PYY: variants seen among roughly 807,000 people sequenced by gnomAD.
The protein encoded by PYY is peptide YY.
In PYY, 12 loss-of-function variants were observed where a neutral mutation model predicts 10.3. The ratio of observed to expected loss-of-function variants is 1.17; its 90% CI spans 0.75 to 1.89. The LOEUF is 1.89. Among genes scored for constraint, PYY ranks in the 40% most tolerant of loss-of-function variants. The pLI is 0.00. For synonymous variants in PYY, 66 were observed against 62.0 expected (o/e 1.06, Z -0.30); for missense variants, 141 against 134.0 (o/e 1.05, Z -0.26).
chr17:43,996,959 G>A (rs2048995976), intron 1 of PYY, among the ~76,000 whole-genome samples: 1 of 152,174 alleles, frequency 6.6e-6, no homozygotes, highest in South Asian at 2.1e-4. Context: ...AAAGTGCTGG[G>A]ATTACAGGTA....
At chr17:43,984,307 C>T (rs904232734) in intron 1 of PYY, among the ~76,000 whole-genome samples, 4 of 152,228 alleles carry the variant, frequency 2.6e-5, no homozygotes, top group Non-Finnish European at 4.4e-5. Flanking sequence ...TGGCCCTCTA[C>T]ACAGCCAGGG....
In PYY at chr17:43,953,117, G is replaced by A; in HGVS notation, c.261C>T (p.Val87=). ...GTAACGGGCGCTTTTACCGCGACCTGACGGGGCGGTCCTCGCCGTCGGGGA... is the reference window on the plus strand; with the variant it reads ...GTAACGGGCGCTTTTACCGCGACCTAACGGGGCGGTCCTCGCCGTCGGGGA... ...TFFPDGEDRP[V]RSRSEGPDLW Residue 87 remains valine, a synonymous_variant, in exon 3 of 4, where the codon GTC becomes GTT. Transcript: ENST00000692052. The A allele has an allele frequency of 6.2e-7, 1 of 1,614,036 alleles. No individual in the cohort carries two copies.
At chr17:43,982,806 G>T (rs984491220) in intron 1 of PYY, among the ~76,000 whole-genome samples, 8 of 152,190 alleles carry the variant, frequency 5.3e-5, no homozygotes, top group Admixed American at 4.6e-4. Flanking sequence ...CTCCAGGCTG[G>T]GGACAGCTGC....
At chr17:43,993,482 C>T (rs1416748209) in intron 1 of PYY, among the ~76,000 whole-genome samples, 1 of 151,544 alleles carries the variant, frequency 6.6e-6, no homozygotes, top group Non-Finnish European at 1.5e-5. Flanking sequence ...AAAAATTAGC[C>T]AGGCATGGTG....
intron 1 of PYY, among the ~76,000 whole-genome samples, chr17:43,996,797 C>T (rs565218791): frequency 1.7e-4 from 26 of 152,128 alleles, no homozygotes; most frequent in Non-Finnish European, 3.5e-4. Context: ...AGGCCATCCT[C>T]CCACCTCAGC....
chr17:43,995,328 T>TGTTTG (rs1002246313), intron 1 of PYY, among the ~76,000 whole-genome samples: 17 of 152,260 alleles, frequency 1.1e-4, no homozygotes, highest in South Asian at 6.2e-4. Flanking sequence ...TAACCGTTTT[T>TGTTTG]GTTTGGTTTG....
chr17:43,973,027 C>G (rs1338344512), intron 1 of PYY, among the ~76,000 whole-genome samples: 1 of 151,894 alleles, frequency 6.6e-6, no homozygotes, highest in East Asian at 1.9e-4. Flanking sequence ...TTTGTTGAGA[C>G]ACGATCTCAC....
chr17:43,957,196 C>CA (rs60997602), upstream of PYY, among the ~76,000 whole-genome samples: 1,167 of 66,314 alleles, frequency 0.018, 11 homozygotes, highest in African/African-American at 0.036. Context: ...AAACTGTCTC[C>CA]AAAAAAAAAA....
At chr17:43,967,402 C>T (rs996120843) in intron 1 of PYY, among the ~76,000 whole-genome samples, 2 of 152,184 alleles carry the variant, frequency 1.3e-5, no homozygotes, top group African/African-American at 4.8e-5. Flanking sequence ...GGCCTGTCCA[C>T]AGCAGGCGAG....
intron 1 of PYY, among the ~76,000 whole-genome samples, chr17:43,981,739 C>T (rs930362517): frequency 6.6e-6 from 1 of 152,162 alleles, no homozygotes; most frequent in African/African-American, 2.4e-5. Flanking sequence ...CCGCCCACCT[C>T]GGCCTCCGAA....
At chr17:43,976,133 A>G (rs959769461) in intron 1 of PYY, among the ~76,000 whole-genome samples, 1 of 119,116 alleles carries the variant, frequency 8.4e-6, no homozygotes, top group African/African-American at 3.2e-5. Flanking sequence ...ATATATGTAT[A>G]CATATATGTA....
intron 1 of PYY, among the ~76,000 whole-genome samples, chr17:43,995,004 G>A (rs1287583629): frequency 1.3e-5 from 2 of 152,190 alleles, no homozygotes; most frequent in Admixed American, 6.5e-5. Flanking sequence ...CAGGGCAGGC[G>A]GACCCCACGC....
intron 1 of PYY, among the ~76,000 whole-genome samples, chr17:43,967,641 G>A (rs754649636): frequency 5.3e-5 from 8 of 152,182 alleles, no homozygotes; most frequent in Non-Finnish European, 8.8e-5. Context: ...AAGCTATTAG[G>A]TTCCAGATGA....
intron 1 of PYY, chr17:44,004,363 G>C (rs1381382180): frequency 3.6e-6 from 1 of 278,554 alleles, no homozygotes. Context: ...AGGCCCTGCA[G>C]ACTCCCAAAG....
chr17:43,975,723 AAAATAT>A lies in PYY; in HGVS notation c.-462-9197_-462-9192del, dbSNP rs1271921383. On this transcript the variant is annotated intron_variant, in intron 1 of 6. Transcript: ENST00000360085. Reference sequence around the variant, plus strand: ...GACAGGAGTAAGACCCTGAAAAAAAAAAATATATATATATATATATATACACACACA... The same window carrying A: ...GACAGGAGTAAGACCCTGAAAAAAAAATATATATATATATATACACACACA... Among the ~76,000 whole-genome samples the A allele has an allele frequency of 4.0e-4, 46 of 115,218 alleles. 3 individuals carry two copies. The highest frequency in any genetic ancestry group is 1.5e-3 in the African/African-American group (33 of 22,274). The allele number at this position is 115,218 out of a possible 152,430, so 75.6% of individuals were successfully genotyped here.
intron 1 of PYY, among the ~76,000 whole-genome samples, chr17:43,980,053 C>A (rs887123303): frequency 5.3e-5 from 8 of 152,092 alleles, no homozygotes; most frequent in Non-Finnish European, 1.0e-4. Flanking sequence ...GTGTCCCCTA[C>A]CTTTCTATCC....
At position 43,953,376 on chromosome 17, in the gene PYY, G is replaced by A. The variant is rs748859136; in HGVS notation, c.108C>T (p.Pro36=). 30 of 1,612,192 alleles carry A rather than the reference G, an allele frequency of 1.9e-5. No individual in the cohort carries two copies. In the South Asian group the frequency reaches 2.6e-4, roughly 14 times the overall value. ...VDAYPIKPEA[P]REDASPEELN... ...GCTCCTCCGGCGAGGCGTCTTCGCG[G>A]GGAGCCTCGGGTTTGATGGGGTAGG... The change falls in exon 2 of 4, where the codon CCC becomes CCT. Residue 36 remains proline, a synonymous_variant. Coordinates refer to ENST00000692052, the MANE Select transcript of PYY (RefSeq NM_001394028.1).
intron 3 of PYY, 63 bp downstream of exon 3, chr17:43,953,046 G>A: frequency 1.3e-6 from 2 of 1,592,392 alleles, no homozygotes; most frequent in South Asian, 1.1e-5. Flanking sequence ...GTTAAGTGAT[G>A]TTGCCAGGGT....
chr17:43,967,717 G>T (rs1006100470), intron 1 of PYY, among the ~76,000 whole-genome samples: 1 of 152,126 alleles, frequency 6.6e-6, no homozygotes, highest in African/African-American at 2.4e-5. Flanking sequence ...GGACAGACAC[G>T]CACGGGGCAG....
Sources: allele counts gnomAD v4.1 joint callset (sites outside exome capture counted in the v4.1 genomes callset), GRCh38; gene constraint gnomAD v4.1.1; transcripts MANE v1.5; gene names NCBI Gene and HGNC (gene_info 2026-07-23, HGNC 2026-07-21).